The following FMN1 variants were observed in gnomAD, a reference collection of about 807,000 sequenced individuals.
FMN1 encodes formin 1, also known as formin-1.
In FMN1, 110 loss-of-function variants were observed where a neutral mutation model predicts 132.4. That is an observed-to-expected ratio of 0.83 (90% CI 0.71 to 0.97). The LOEUF is 0.97. FMN1 is among the 50% of genes least tolerant of loss of function. The probability of loss-of-function intolerance (pLI) is 0.00; values close to 1 mark genes in which losing one functional copy is unlikely to be tolerated. For missense variants in FMN1, 1,792 were observed against 1,705.3 expected (o/e 1.05, Z -0.90); for synonymous variants, 722 against 651.7 (o/e 1.11, Z -1.64).
chr15:32,955,824 T>C (rs1266376295), intron 9 of FMN1, among the ~76,000 whole-genome samples: 3 of 151,842 alleles, frequency 2.0e-5, no homozygotes, highest in African/African-American at 4.9e-5. Context: ...TGTGTGTGTG[T>C]GTGCGTGCGC....
chr15:33,080,819 G>A (rs943966298), intron 5 of FMN1, among the ~76,000 whole-genome samples: 4 of 152,096 alleles, frequency 2.6e-5, no homozygotes, highest in Admixed American at 6.5e-5. Flanking sequence ...CCCAAGAGGC[G>A]GAGGTTGCGG....
chr15:32,928,092 TA>T (rs1418427570), intron 9 of FMN1, among the ~76,000 whole-genome samples: 24 of 152,238 alleles, frequency 1.6e-4, no homozygotes, highest in African/African-American at 5.1e-4. Flanking sequence ...TATTGCCAGA[TA>T]TTTTTTTCCT....
intron 6 of FMN1, among the ~76,000 whole-genome samples, chr15:33,048,631 C>CAAAAAAAAAAAAAAAAAAAAAAAAA (rs768997793): frequency 2.1e-4 from 9 of 43,434 alleles, no homozygotes; most frequent in African/African-American, 4.5e-4. Context: ...GGCAATTTAC[C>CAAAAAAAAAAAAAAAAAAAAAAAAA]AAAAAAAAAA....
At chr15:32,924,607 T>C (rs1284539825) in intron 10 of FMN1, among the ~76,000 whole-genome samples, 1 of 152,170 alleles carries the variant, frequency 6.6e-6, no homozygotes, top group South Asian at 2.1e-4. Flanking sequence ...TCAGCAAATA[T>C]AAGTGAAATG....
chr15:33,093,478 C>A (rs191033537), intron 4 of FMN1, among the ~76,000 whole-genome samples: 6 of 152,262 alleles, frequency 3.9e-5, no homozygotes, highest in African/African-American at 1.4e-4. Context: ...ATGTCTGTAT[C>A]TAAGAAGACA....
intron 7 of FMN1, among the ~76,000 whole-genome samples, chr15:32,977,065 C>T (rs1328918536): frequency 6.6e-6 from 1 of 152,140 alleles, no homozygotes; most frequent in Admixed American, 6.5e-5. Flanking sequence ...TATCAGATGA[C>T]TCCCTAAATT....
At chr15:32,958,639 T>C (rs906312835) in intron 9 of FMN1, among the ~76,000 whole-genome samples, 4 of 152,228 alleles carry the variant, frequency 2.6e-5, no homozygotes, top group Admixed American at 6.5e-5. Flanking sequence ...ATTTTAGTAG[T>C]TGAAGCTAGA....
intron 17 of FMN1, among the ~76,000 whole-genome samples, chr15:32,849,452 A>C (rs1420943646): frequency 1.3e-5 from 2 of 151,548 alleles, no homozygotes; most frequent in Non-Finnish European, 2.9e-5. Flanking sequence ...CCTCCAGGTC[A>C]ATACATACAG....
chr15:33,143,459 C>A (rs572469015), intron 4 of FMN1, among the ~76,000 whole-genome samples: 4 of 152,144 alleles, frequency 2.6e-5, no homozygotes, highest in Non-Finnish European at 5.9e-5. Context: ...CAGTAACTGA[C>A]CCAGGTATAC....
At chr15:33,053,011 C>T (rs2037049769) in intron 6 of FMN1, among the ~76,000 whole-genome samples, 1 of 151,896 alleles carries the variant, frequency 6.6e-6, no homozygotes. Flanking sequence ...CCACTCCCCA[C>T]AGTCCCTTCT....
intron 3 of FMN1, among the ~76,000 whole-genome samples, chr15:33,174,550 T>G (rs1296498875): frequency 6.6e-6 from 1 of 152,210 alleles, no homozygotes; most frequent in African/African-American, 2.4e-5. Context: ...AATCATAAAT[T>G]TTTCGTTTCA....
chr15:33,015,810 C>G (rs1417537399), intron 6 of FMN1, among the ~76,000 whole-genome samples: 1 of 152,138 alleles, frequency 6.6e-6, no homozygotes, highest in Non-Finnish European at 1.5e-5. Flanking sequence ...GGTATCTGAA[C>G]TTTTTATTTT....
At chr15:32,819,636 A>AC (rs1353997299) in intron 17 of FMN1, among the ~76,000 whole-genome samples, 1 of 152,204 alleles carries the variant, frequency 6.6e-6, no homozygotes, top group East Asian at 1.9e-4. Context: ...CTTCCCACAA[A>AC]AAAATTTAAA....
At chr15:32,913,973 C>G (rs552669842) in intron 10 of FMN1, among the ~76,000 whole-genome samples, 36 of 152,290 alleles carry the variant, frequency 2.4e-4, no homozygotes, top group Non-Finnish European at 3.1e-4. Flanking sequence ...AGGCATGTAT[C>G]TGAATCATGG....
chr15:33,194,339 G>C (rs1966194399), intron 1 of FMN1, among the ~76,000 whole-genome samples: 1 of 144,494 alleles, frequency 6.9e-6, no homozygotes, highest in Non-Finnish European at 1.5e-5. Context: ...AACGACAGGA[G>C]TTCTGTAGTG....
intron 4 of FMN1, among the ~76,000 whole-genome samples, chr15:33,097,316 A>AAAAG (rs111519647): frequency 1.4e-5 from 2 of 147,314 alleles, no homozygotes; most frequent in African/African-American, 5.2e-5. Flanking sequence ...AAAAAAAAAA[A>AAAAG]AGAGAGAGAG....
rs74866233 is a variant in FMN1 at position 32,801,233 on chromosome 15, C to T, written c.3981-2280G>A. Among the ~76,000 whole-genome samples, 523 of 152,288 alleles carry T rather than the reference C, an allele frequency of 3.4e-3. 12 individuals carry two copies. The highest frequency in any genetic ancestry group is 0.012 in the African/African-American group (501 of 41,562). On this transcript the variant is annotated intron_variant, in intron 18 of 20. Transcript: ENST00000616417. ...CGATTTTCCCAACTCTAAACTGAAGCTAACCATTGCCCTCCTTGCCTCTCT... is the reference window on the plus strand; with the variant it reads ...CGATTTTCCCAACTCTAAACTGAAGTTAACCATTGCCCTCCTTGCCTCTCT...
At chr15:33,072,937 A>C (rs1022464442) in intron 5 of FMN1, among the ~76,000 whole-genome samples, 3 of 151,742 alleles carry the variant, frequency 2.0e-5, no homozygotes, top group Admixed American at 6.6e-5. Flanking sequence ...AAAAAAAAAA[A>C]CAAAAACAGA....
At chr15:32,788,017 C>A (rs2056937620) in intron 19 of FMN1, among the ~76,000 whole-genome samples, 1 of 151,396 alleles carries the variant, frequency 6.6e-6, no homozygotes, top group Admixed American at 6.6e-5. Flanking sequence ...ACCAGCTACA[C>A]AGATCAGCCA....
Sources: gnomAD v4.1 joint callset for allele counts (sites outside exome capture counted in the v4.1 genomes callset) on GRCh38, gnomAD v4.1.1 for gene constraint, MANE v1.5 for transcripts, NCBI Gene and HGNC (gene_info 2026-07-23, HGNC 2026-07-21) for gene names.